SCN10A: variants seen among roughly 807,000 people sequenced by gnomAD.
SCN10A encodes the protein sodium voltage-gated channel alpha subunit 10.
Under a neutral mutation model 170.7 loss-of-function variants are expected in SCN10A, and 162 were observed. The ratio of observed to expected loss-of-function variants is 0.95; its 90% CI spans 0.84 to 1.08. The LOEUF (loss-of-function observed/expected upper bound fraction) is 1.08, where lower values mean the gene tolerates loss of function less well. Among genes scored for constraint, SCN10A ranks in the 50% least tolerant of loss-of-function variants. The pLI, the probability that SCN10A is intolerant of heterozygous loss-of-function variation, is 0.00. For missense variants in SCN10A, 2,527 were observed against 2,436.9 expected (o/e 1.04, Z -0.78); for synonymous variants, 985 against 904.6 (o/e 1.09, Z -1.59).
chr3:38,728,687 A>C lies in SCN10A; in HGVS notation c.2495T>G (p.Met832Arg). The change falls in exon 16 of 28, where the codon ATG (methionine) becomes AGG (arginine). Residue 832 changes from methionine to arginine, a missense_variant. Transcript: ENST00000449082. ...GAGGAAAGAGTGGAAGAAGTCGTGCATGTGCCAGCGGGGCCAGTCTTCATG... is the reference window on the plus strand; with the variant it reads ...GAGGAAAGAGTGGAAGAAGTCGTGCCTGTGCCAGCGGGGCCAGTCTTCATG... ...APHEDWPRWHMHDFFHSFLIV... is the reference protein window; with the variant it reads ...APHEDWPRWHRHDFFHSFLIV... 1 of 1,614,212 alleles carries C rather than the reference A, an allele frequency of 6.2e-7. No individual in the cohort carries two copies. Among genetic ancestry groups the C allele is most frequent in the Non-Finnish European group, 8.5e-7 (1 of 1,180,038 alleles).
chr3:38,763,542 T>G lies in SCN10A; in HGVS notation c.654A>C (p.Arg218Ser). The change falls in exon 6 of 28, where the codon AGA (arginine) becomes AGC (serine). Residue 218 changes from arginine (R) to serine (S), a missense_variant. Physicochemically the swap from Arg to Ser is moderately radical, Grantham distance 110. Transcript: ENST00000449082. Reference sequence around the variant, plus strand: ...AAACTGTTTTTAATGCTCTAAGAACTCTGAATGTCCGCAGGCCTGAGATCC... The same window carrying G: ...AAACTGTTTTTAATGCTCTAAGAACGCTGAATGTCCGCAGGCCTGAGATCC... ...LRGISGLRTF[R>S]VLRALKTVSV... The G allele has an allele frequency of 6.2e-7, 1 of 1,614,112 alleles. No individual in the cohort carries two copies. Among genetic ancestry groups the G allele is most frequent in the Non-Finnish European group, 8.5e-7 (1 of 1,179,972 alleles).
intron 2 of SCN10A, 150 bp downstream of exon 2, chr3:38,793,591 G>GAT (rs1386895640): frequency 1.4e-4 from 85 of 601,228 alleles, no homozygotes; most frequent in South Asian, 2.2e-4. Flanking sequence ...AAATAAGTTA[G>GAT]AGATATATAT....
chr3:38,734,075 G>A (rs2063536705), intron 15 of SCN10A, among the ~76,000 whole-genome samples: 1 of 152,220 alleles, frequency 6.6e-6, no homozygotes, highest in African/African-American at 2.4e-5. Flanking sequence ...AGGCTGGAGT[G>A]CAGTGGCATG....
At chr3:38,753,742 T>G (rs1002390892) in intron 11 of SCN10A, among the ~76,000 whole-genome samples, 1 of 152,184 alleles carries the variant, frequency 6.6e-6, no homozygotes, top group African/African-American at 2.4e-5. Flanking sequence ...ATGAAGAAAC[T>G]GAGAAGAAAA....
chr3:38,765,845 C>T (rs2063926592), intron 5 of SCN10A, among the ~76,000 whole-genome samples: 2 of 152,154 alleles, frequency 1.3e-5, no homozygotes, highest in Admixed American at 6.5e-5. Context: ...TTTATCCATC[C>T]ATGAGCATGG....
intron 17 of SCN10A, among the ~76,000 whole-genome samples, chr3:38,726,399 G>A (rs1227056256): frequency 6.6e-6 from 1 of 152,194 alleles, no homozygotes; most frequent in Non-Finnish European, 1.5e-5. Flanking sequence ...TTGCTCACCT[G>A]CTGCCCCCCA....
At chr3:38,807,395 T>C (rs908722429) in intron 1 of SCN10A, among the ~76,000 whole-genome samples, 8 of 152,196 alleles carry the variant, frequency 5.3e-5, no homozygotes, top group African/African-American at 1.9e-4. Context: ...CACTGTAATA[T>C]GTCTCTCCCA....
At chr3:38,756,251 C>CA (rs1295184327) in intron 10 of SCN10A, among the ~76,000 whole-genome samples, 4 of 151,526 alleles carry the variant, frequency 2.6e-5, no homozygotes, top group East Asian at 1.9e-4. Context: ...CAGCATTCTA[C>CA]AAAAAAAGTC....
chr3:38,810,862 T>C (rs977769215), intron 1 of SCN10A, among the ~76,000 whole-genome samples: 1 of 152,234 alleles, frequency 6.6e-6, no homozygotes, highest in South Asian at 2.1e-4. Flanking sequence ...TTGTAGCATA[T>C]GCTTACTGTT....
chr3:38,782,995 CT>C (rs2064157062), intron 4 of SCN10A, among the ~76,000 whole-genome samples: 1 of 152,046 alleles, frequency 6.6e-6, no homozygotes, highest in Admixed American at 6.6e-5. Flanking sequence ...ATAGTTGGGT[CT>C]GGGAAAGACT....
intron 27 of SCN10A, 123 bp downstream of exon 27, chr3:38,701,716 G>C (rs745429338): frequency 1.8e-4 from 158 of 882,348 alleles, no homozygotes; most frequent in Non-Finnish European, 2.5e-4. Context: ...TGCAAATACA[G>C]GGTTCTTCTA....
chr3:38,736,361 CTGTGTGTGTGTGTGTGTG>C (rs68001863), intron 15 of SCN10A, among the ~76,000 whole-genome samples: 3,739 of 139,478 alleles, frequency 0.027, 61 homozygotes, highest in Non-Finnish European at 0.043. Flanking sequence ...TAGGGAAACT[CTGTGTGTGTGTGTGTGTG>C]TGTGTGTGTG....
chr3:38,764,144 C>T (rs1231641571), intron 5 of SCN10A, among the ~76,000 whole-genome samples: 1 of 152,194 alleles, frequency 6.6e-6, no homozygotes, highest in Non-Finnish European at 1.5e-5. Flanking sequence ...CACATGGACA[C>T]CCATGCAAAT....
intron 4 of SCN10A, among the ~76,000 whole-genome samples, chr3:38,779,964 G>A (rs999531645): frequency 2.6e-5 from 4 of 151,554 alleles, no homozygotes; most frequent in Non-Finnish European, 5.9e-5. Context: ...TTGAAAAGGA[G>A]GTGCATTTTC....
intron 17 of SCN10A, among the ~76,000 whole-genome samples, chr3:38,726,285 T>G (rs1269544054): frequency 6.6e-6 from 1 of 152,146 alleles, no homozygotes; most frequent in Admixed American, 6.5e-5. Flanking sequence ...AACATCCTGT[T>G]CTTAGAGAAA....
At chr3:38,756,233 C>T (rs1238281932) in intron 10 of SCN10A, among the ~76,000 whole-genome samples, 2 of 152,054 alleles carry the variant, frequency 1.3e-5, no homozygotes, top group African/African-American at 2.4e-5. Context: ...GCTGATGGCT[C>T]ATACTTGCAG....
At chr3:38,771,764 A>G (rs1661780046) in intron 4 of SCN10A, among the ~76,000 whole-genome samples, 1 of 152,124 alleles carries the variant, frequency 6.6e-6, no homozygotes, top group African/African-American at 2.4e-5. Flanking sequence ...CTCATCTAAA[A>G]ACTCCCAGTT....
Position 38,702,042 on chromosome 3 carries a change from A to C in SCN10A, c.4454T>G (p.Leu1485Arg). The change falls in exon 27 of 28, where the codon CTC (leucine) becomes CGC (arginine). Residue 1485 changes from leucine to arginine, a missense_variant. Coordinates refer to ENST00000449082, the MANE Select transcript of SCN10A (RefSeq NM_006514.4). ...CATGGTGATCATGTTGAGGCAGATG[A>C]GGACCATGATGGTGATGTCAAAAGC... ...RQAFDITIMV[L>R]ICLNMITMMV... is the part of the protein sequence containing the mutation. The C allele has an allele frequency of 6.2e-7, 1 of 1,609,752 alleles. No homozygotes were observed.
chr3:38,710,555 G>T (rs1329331098), intron 24 of SCN10A, among the ~76,000 whole-genome samples: 1 of 152,126 alleles, frequency 6.6e-6, no homozygotes, highest in African/African-American at 2.4e-5. Context: ...CTTGTCCAGG[G>T]AGTGGCTCAC....
Sources: allele counts gnomAD v4.1 joint callset (sites outside exome capture counted in the v4.1 genomes callset), GRCh38; gene constraint gnomAD v4.1.1; transcripts MANE v1.5; gene names NCBI Gene and HGNC (gene_info 2026-07-23, HGNC 2026-07-21).